Variants in SYCP2 observed in about 807,000 individuals in gnomAD.
SYCP2 encodes synaptonemal complex lateral element protein.
Under a neutral mutation model 211.3 loss-of-function variants are expected in SYCP2, and 55 were observed. The observed-to-expected ratio is 0.26, with a 90% confidence interval of 0.21 to 0.33. The LOEUF (loss-of-function observed/expected upper bound fraction) is 0.33, where lower values mean the gene tolerates loss of function less well. Among genes scored for constraint, SYCP2 ranks in the 10% least tolerant of loss-of-function variants. The pLI is 1.00. For missense variants in SYCP2, 1,731 were observed against 1,752.0 expected (o/e 0.99, Z 0.21); for synonymous variants, 570 against 555.2 (o/e 1.03, Z -0.37).
At chr20:59,897,921 AAAC>A (rs1318062053) in intron 18 of SYCP2, among the ~76,000 whole-genome samples, 5 of 152,198 alleles carry the variant, frequency 3.3e-5, no homozygotes, top group East Asian at 1.9e-4. Context: ...GTCTCTACTA[AAAC>A]AACAACAACA....
At chr20:59,875,018 GAATA>G (rs2059527832) in intron 34 of SYCP2, among the ~76,000 whole-genome samples, 1 of 151,888 alleles carries the variant, frequency 6.6e-6, no homozygotes, top group African/African-American at 2.4e-5. Flanking sequence ...TATAATTTGT[GAATA>G]TATATTATTT....
Position 59,880,909 on chromosome 20 carries a change from A to G in SYCP2, c.2772+57T>C, listed in dbSNP as rs2059665300. 3 of 816,474 alleles carry G rather than the reference A, an allele frequency of 3.7e-6. No homozygotes were observed. The East Asian group carries it at 9.4e-5, about 26-fold the overall frequency. The allele number at this position is 816,474 out of a possible 1,614,324, so 50.6% of individuals were successfully genotyped here. A position where few individuals can be genotyped will look rare whatever the true frequency, so the allele number is the denominator to read the frequency against. ...TTTCTTGTTTTTGATAATCTTTAAC[A>G]TTAAAAATTAAGAGAAATACTACTT... On this transcript the variant is annotated intron_variant, in intron 30 of 44. Transcript: ENST00000357552.
At chr20:59,888,464 A>C (rs1203065458) in intron 24 of SYCP2, among the ~76,000 whole-genome samples, 1 of 152,092 alleles carries the variant, frequency 6.6e-6, no homozygotes, top group East Asian at 1.9e-4. Flanking sequence ...ACGATAAAAA[A>C]CCCTTAGCAA....
intron 10 of SYCP2, among the ~76,000 whole-genome samples, chr20:59,914,558 ACAG>A (rs1367315436): frequency 6.6e-6 from 1 of 152,008 alleles, no homozygotes; most frequent in Non-Finnish European, 1.5e-5. Flanking sequence ...AGTAACCCAC[ACAG>A]TTGTCTGTAA....
chr20:59,919,619 T>C, intron 5 of SYCP2, 22 bp from the exon 6 acceptor site: 1 of 1,417,072 alleles, frequency 7.1e-7, no homozygotes, highest in Non-Finnish European at 9.8e-7. Context: ...AATGAACTTA[T>C]TAGAGTTCCA....
intron 26 of SYCP2, among the ~76,000 whole-genome samples, chr20:59,884,419 A>C (rs1016609197): frequency 4.6e-5 from 7 of 152,110 alleles, no homozygotes; most frequent in Non-Finnish European, 1.0e-4. Context: ...TTAATAAATT[A>C]ATTGTAATAT....
intron 18 of SYCP2, among the ~76,000 whole-genome samples, chr20:59,899,245 G>C (rs897026103): frequency 6.6e-6 from 1 of 152,006 alleles, no homozygotes; most frequent in African/African-American, 2.4e-5. Flanking sequence ...AGATATAAGG[G>C]GAGAAGAGGC....
chr20:59,867,118 G>GGGGGGGGGGGGGGGT (rs2059363965), intron 39 of SYCP2, among the ~76,000 whole-genome samples: 1 of 60,420 alleles, frequency 1.7e-5, no homozygotes, highest in Non-Finnish European at 3.4e-5. Flanking sequence ...GGGGGGGGGG[G>GGGGGGGGGGGGGGGT]GAGGGTGTTG....
intron 16 of SYCP2, 106 bp downstream of exon 16, chr20:59,901,556 T>C: frequency 1.4e-6 from 1 of 696,990 alleles, no homozygotes; most frequent in Non-Finnish European, 2.3e-6. Flanking sequence ...AACTAAAATC[T>C]ACATTTTAAG....
chr20:59,891,365 T>C (rs1036373528), intron 24 of SYCP2, among the ~76,000 whole-genome samples: 1 of 152,014 alleles, frequency 6.6e-6, no homozygotes, highest in Non-Finnish European at 1.5e-5. Context: ...TTTTCTTCCC[T>C]GGAAGTCTGG....
At chr20:59,904,694 C>T (rs1008206894) in intron 15 of SYCP2, among the ~76,000 whole-genome samples, 2 of 152,052 alleles carry the variant, frequency 1.3e-5, no homozygotes, top group East Asian at 1.9e-4. Flanking sequence ...CTATATTAGT[C>T]TGTATTAGTC....
intron 26 of SYCP2, among the ~76,000 whole-genome samples, chr20:59,883,631 G>GA (rs1463113200): frequency 6.8e-6 from 1 of 147,814 alleles, no homozygotes; most frequent in African/African-American, 2.6e-5. Context: ...CTTATATGTG[G>GA]AATCTTAAAA....
intron 24 of SYCP2, among the ~76,000 whole-genome samples, chr20:59,888,538 AC>A (rs1414947850): frequency 1.1e-4 from 16 of 152,184 alleles, no homozygotes; most frequent in Middle Eastern, 6.8e-3. Context: ...GTTACAGCTA[AC>A]ATCACACTTA....
intron 15 of SYCP2, among the ~76,000 whole-genome samples, chr20:59,903,955 CAG>C (rs2060165723): frequency 6.6e-6 from 1 of 152,038 alleles, no homozygotes; most frequent in South Asian, 2.1e-4. Context: ...TTAAAGGTGT[CAG>C]AGAGCTGTAC....
intron 31 of SYCP2, among the ~76,000 whole-genome samples, chr20:59,879,802 A>C (rs2059631338): frequency 7.4e-6 from 1 of 134,512 alleles, no homozygotes; most frequent in Non-Finnish European, 1.6e-5. Flanking sequence ...AGAAGATGGG[A>C]TATTTAGTAA....
At chr20:59,890,469 G>T (rs2059883919) in intron 24 of SYCP2, among the ~76,000 whole-genome samples, 1 of 152,040 alleles carries the variant, frequency 6.6e-6, no homozygotes, top group South Asian at 2.1e-4. Context: ...GATGGGTGCT[G>T]CAAACCACCA....
At position 59,896,495 on chromosome 20, in the gene SYCP2, C is replaced by T. The variant is rs753000254; in HGVS notation, c.1438G>A (p.Ala480Thr). ...TTPSKRKMSE[A>T]SMIVSGADRY... is the part of the protein sequence containing the mutation. ...TCTGCACCAGAAACAATCATTGATG[C>T]TTCAGACATTTTTCTTTTGCTAGGA... Residue 480 changes from alanine to threonine, a missense_variant, in exon 19 of 45, where the codon GCA (alanine) becomes ACA (threonine). By Grantham distance (58) the Ala-to-Thr change is moderately conservative (BLOSUM62 0). This residue lies in a region of SYCP2 where 1,387 missense variants were observed against 1,351.3 expected (regional missense o/e 1.03). Transcript: ENST00000357552. 1.2e-6 allele frequency: 2 copies of T among 1,610,610 alleles called. No individual in the cohort carries two copies. The highest frequency in any genetic ancestry group is 3.3e-5 in the Admixed American group (2 of 59,916).
At chr20:59,931,001 T>A (rs2060729299) in intron 2 of SYCP2, among the ~76,000 whole-genome samples, 1 of 152,036 alleles carries the variant, frequency 6.6e-6, no homozygotes, top group South Asian at 2.1e-4. Context: ...AAATGAACTA[T>A]ATATAGTAAC....
In SYCP2 at chr20:59,895,453, C is replaced by T. The variant is rs763790695; in HGVS notation, c.1649G>A (p.Arg550Lys). 2 of 1,609,424 alleles carry T rather than the reference C, an allele frequency of 1.2e-6. No individual in the cohort carries two copies. The highest frequency in any genetic ancestry group is 1.1e-5 in the South Asian group (1 of 89,988). ...TAAAGTTACTTTGTCTATATTATCT[C>T]TTCTATGTCTTCCTTCTGATGATCT... Reference protein sequence around the residue: ...KSRSSEGRHRRDNIDKHIKTA... With the variant: ...KSRSSEGRHRKDNIDKHIKTA... Residue 550 changes from arginine (R) to lysine (K), a missense_variant, in exon 20 of 45, where the codon AGA (arginine) becomes AAA (lysine). This residue lies in a region of SYCP2 where 1,387 missense variants were observed against 1,351.3 expected (regional missense o/e 1.03). Transcript: ENST00000357552.
Sources: gnomAD v4.1 joint callset for allele counts (sites outside exome capture counted in the v4.1 genomes callset) on GRCh38, gnomAD v4.1.1 for gene constraint, gnomAD v4.1.1 regional missense constraint, MANE v1.5 for transcripts, NCBI Gene and HGNC (gene_info 2026-07-23, HGNC 2026-07-21) for gene names.